RIMS2: variants seen among roughly 807,000 people sequenced by gnomAD.
The protein encoded by RIMS2 is regulating synaptic membrane exocytosis protein 2.
A neutral mutation model predicts 174.4 loss-of-function variants in RIMS2; 59 were observed. That is an observed-to-expected ratio of 0.34 (90% CI 0.27 to 0.42). RIMS2 has a LOEUF of 0.42. Ranked by LOEUF, RIMS2 falls within the 10% of genes least tolerant of loss-of-function variation. The pLI, the probability that RIMS2 is intolerant of heterozygous loss-of-function variation, is 1.00. For missense variants in RIMS2, 1,620 were observed against 1,666.3 expected, an observed-to-expected ratio of 0.97 and a Z score of 0.48; for synonymous variants, 606 against 572.5, an observed-to-expected ratio of 1.06 and a Z score of -0.84.
chr8:104,243,725 TAACCGTATG>T (rs1430763035), intron 19 of RIMS2, among the ~76,000 whole-genome samples: 1 of 152,188 alleles, frequency 6.6e-6, no homozygotes, highest in African/African-American at 2.4e-5. Flanking sequence ...CTAAAAGAGC[TAACCGTATG>T]GTTGTATCCC....
chr8:103,527,020 G>A (rs1174822002), intron 1 of RIMS2, among the ~76,000 whole-genome samples: 3 of 152,154 alleles, frequency 2.0e-5, no homozygotes, highest in Non-Finnish European at 4.4e-5. Flanking sequence ...GAGGGAAAAT[G>A]TAGCCATTTT....
At chr8:103,921,564 C>A (rs1412651952) in intron 9 of RIMS2, 108 bp from the exon 13 acceptor site, 3 of 627,766 alleles carry the variant, frequency 4.8e-6, no homozygotes, top group East Asian at 2.9e-5. Flanking sequence ...TATAATGACA[C>A]CTTGTGGACA....
chr8:104,106,906 A>G (rs1385775659), intron 19 of RIMS2, among the ~76,000 whole-genome samples: 2 of 152,190 alleles, frequency 1.3e-5, no homozygotes, highest in African/African-American at 2.4e-5. Flanking sequence ...ACTTTCATGC[A>G]TGAGTATTAT....
intron 3 of RIMS2, among the ~76,000 whole-genome samples, chr8:103,840,307 T>A (rs1172676670): frequency 3.9e-5 from 6 of 152,222 alleles, no homozygotes; most frequent in African/African-American, 9.6e-5. Context: ...TCATCATTTC[T>A]GTTTTTTCTT....
intron 2 of RIMS2, among the ~76,000 whole-genome samples, chr8:103,730,637 G>A (rs974819265): frequency 3.3e-5 from 5 of 152,178 alleles, no homozygotes; most frequent in African/African-American, 1.2e-4. Flanking sequence ...TTACATTGGT[G>A]TAATCTTTTG....
intron 2 of RIMS2, among the ~76,000 whole-genome samples, chr8:103,744,355 A>G (rs2097788060): frequency 6.6e-6 from 1 of 152,044 alleles, no homozygotes; most frequent in Non-Finnish European, 1.5e-5. Context: ...GGATTTTTAT[A>G]TTTAAGTTTT....
chr8:104,255,026 C>G (rs933047608), downstream of RIMS2: 1 of 152,136 alleles, frequency 6.6e-6, no homozygotes, highest in Non-Finnish European at 1.5e-5. Context: ...CTGCAGAGTT[C>G]TCATGGGAGT....
chr8:103,728,745 C>CTTTTTTT (rs1311572866), intron 2 of RIMS2, among the ~76,000 whole-genome samples: 5 of 68,136 alleles, frequency 7.3e-5, no homozygotes, highest in African/African-American at 3.9e-4. Flanking sequence ...AGGTATGCTC[C>CTTTTTTT]TTCTTTTTTT....
intron 14 of RIMS2, among the ~76,000 whole-genome samples, chr8:103,951,591 G>A (rs942042812): frequency 6.6e-5 from 10 of 152,170 alleles, no homozygotes; most frequent in African/African-American, 2.4e-4. Flanking sequence ...TTTTCCCATG[G>A]TCTTCACATC....
At chr8:104,122,199 AT>A (rs796567847) in intron 19 of RIMS2, among the ~76,000 whole-genome samples, 5 of 149,340 alleles carry the variant, frequency 3.3e-5, no homozygotes, top group African/African-American at 2.5e-5. Flanking sequence ...GTAAGTGGAG[AT>A]TTTTTTTTTG....
At chr8:103,825,353 G>A (rs373215071) in intron 3 of RIMS2, among the ~76,000 whole-genome samples, 5 of 151,552 alleles carry the variant, frequency 3.3e-5, no homozygotes, top group East Asian at 1.9e-4. Context: ...GCGTGATCTC[G>A]GCTCATTACA....
intron 3 of RIMS2, among the ~76,000 whole-genome samples, chr8:103,863,098 G>T (rs149905868): frequency 4.6e-5 from 7 of 152,008 alleles, no homozygotes; most frequent in Non-Finnish European, 7.4e-5. Context: ...ATTGGCTGTG[G>T]GTTTGTCATA....
intron 2 of RIMS2, among the ~76,000 whole-genome samples, chr8:103,739,243 G>A (rs61042766): frequency 0.048 from 7,302 of 152,154 alleles, 580 homozygotes; most frequent in African/African-American, 0.16. Flanking sequence ...CATGGATGAA[G>A]CTGGAAACCA....
chr8:104,193,661 T>A (rs1046371472), intron 19 of RIMS2, among the ~76,000 whole-genome samples: 8 of 152,180 alleles, frequency 5.3e-5, no homozygotes, highest in Admixed American at 3.9e-4. Context: ...ACATCTAATA[T>A]CAGCATTAGT....
At chr8:104,216,223 A>G (rs192369673) in intron 19 of RIMS2, among the ~76,000 whole-genome samples, 1 of 152,352 alleles carries the variant, frequency 6.6e-6, no homozygotes, top group Admixed American at 6.5e-5. Context: ...TAAATACGCC[A>G]TATAAGAAAA....
At chr8:104,006,905 T>A (rs888614880) in intron 17 of RIMS2, among the ~76,000 whole-genome samples, 1 of 152,056 alleles carries the variant, frequency 6.6e-6, no homozygotes, top group African/African-American at 2.4e-5. Context: ...TTTTAAAGGT[T>A]TTTTTATATT....
intron 2 of RIMS2, among the ~76,000 whole-genome samples, chr8:103,747,199 G>A (rs547122997): frequency 6.0e-5 from 9 of 149,980 alleles, no homozygotes; most frequent in Admixed American, 2.0e-4. Flanking sequence ...CCACTAACTC[G>A]TCATCTAGCA....
At position 103,625,099 on chromosome 8, in the gene RIMS2, A is replaced by G. The variant is rs562478087; in HGVS notation, c.177-71987A>G. On this transcript the variant is annotated intron_variant, in intron 1 of 23. Transcript: ENST00000504942. ...TTCTTGTTCATCCTGCTACTAACTC[A>G]TACAGTGTTTTTAGGGGGAAGGAGG... is the stretch of plus-strand genomic sequence containing the variant. Among the ~76,000 whole-genome samples, 37 of 152,018 alleles carry G rather than the reference A, an allele frequency of 2.4e-4. No individual in the cohort carries two copies. The South Asian group carries it at 6.2e-3, about 26-fold the overall frequency.
chr8:103,697,065 T>C (rs775004624), intron 1 of RIMS2, 21 bp from the exon 4 acceptor site: 9 of 1,577,412 alleles, frequency 5.7e-6, no homozygotes, highest in African/African-American at 5.4e-5. Context: ...CAACTTTTTT[T>C]CTTATCTATT....
Sources: allele counts gnomAD v4.1 joint callset (sites outside exome capture counted in the v4.1 genomes callset), GRCh38; gene constraint gnomAD v4.1.1; transcripts MANE v1.5; gene names NCBI Gene and HGNC (gene_info 2026-07-23, HGNC 2026-07-21).